The following CWC27 variants were observed in gnomAD, a reference collection of about 807,000 sequenced individuals.
The protein encoded by CWC27 is spliceosome-associated protein CWC27 homolog.
CWC27 carries 47 observed loss-of-function variants against 63.6 expected under a neutral mutation model. That is an observed-to-expected ratio of 0.74 (90% CI 0.58 to 0.94). The LOEUF is 0.94. Among genes scored for constraint, CWC27 ranks in the 40% least tolerant of loss-of-function variants. CWC27 has a pLI of 0.00. For missense variants in CWC27, 495 were observed against 554.3 expected, an observed-to-expected ratio of 0.89 and a Z score of 1.07; for synonymous variants, 175 against 179.8, an observed-to-expected ratio of 0.97 and a Z score of 0.22.
At chr5:64,934,607 G>T (rs565731651) in intron 11 of CWC27, among the ~76,000 whole-genome samples, 158 of 152,180 alleles carry the variant, frequency 1.0e-3, no homozygotes, top group African/African-American at 3.7e-3. Flanking sequence ...TAATCTGTTG[G>T]GTATATACCC....
intron 11 of CWC27, among the ~76,000 whole-genome samples, chr5:64,942,958 G>T (rs957610073): frequency 3.9e-5 from 6 of 152,128 alleles, no homozygotes; most frequent in Non-Finnish European, 7.4e-5. Flanking sequence ...AGAAGAAAAA[G>T]ATAATGATAT....
intron 9 of CWC27, among the ~76,000 whole-genome samples, chr5:64,802,663 A>G (rs753843003): frequency 2.0e-4 from 31 of 152,124 alleles, no homozygotes; most frequent in Non-Finnish European, 3.8e-4. Flanking sequence ...GTGAGGGAGG[A>G]GTAGTCCAAG....
chr5:64,771,429 A>G (rs1283682599), intron 1 of CWC27, among the ~76,000 whole-genome samples: 4 of 152,232 alleles, frequency 2.6e-5, no homozygotes, highest in Non-Finnish European at 2.9e-5. Flanking sequence ...CTGGTTGTCC[A>G]TAAATGTTCT....
chr5:64,977,596 T>C (rs1749251106), intron 13 of CWC27, among the ~76,000 whole-genome samples: 1 of 152,260 alleles, frequency 6.6e-6, no homozygotes, highest in South Asian at 2.1e-4. Context: ...AATAAATCAA[T>C]AATTTCTCAC....
At chr5:64,892,857 T>TAAA (rs768743169) in intron 11 of CWC27, among the ~76,000 whole-genome samples, 203 of 145,274 alleles carry the variant, frequency 1.4e-3, no homozygotes, top group African/African-American at 4.9e-3. Context: ...TCTCGTTCTT[T>TAAA]AAAAAAAAAA....
chr5:64,770,561 C>T (rs1743215638), intron 1 of CWC27, among the ~76,000 whole-genome samples: 1 of 152,140 alleles, frequency 6.6e-6, no homozygotes, highest in South Asian at 2.1e-4. Flanking sequence ...CAGTCTCTGG[C>T]CCCCTTAACC....
At chr5:64,909,538 T>C (rs1291822641) in intron 11 of CWC27, among the ~76,000 whole-genome samples, 1 of 152,216 alleles carries the variant, frequency 6.6e-6, no homozygotes, top group African/African-American at 2.4e-5. Context: ...GTTTTCCAAC[T>C]TGGATCCATT....
chr5:64,782,940 T>G (rs1743751495), intron 3 of CWC27, among the ~76,000 whole-genome samples: 2 of 152,210 alleles, frequency 1.3e-5, no homozygotes, highest in South Asian at 4.1e-4. Context: ...AAGCATTCTT[T>G]TATTCTTTTA....
intron 9 of CWC27, among the ~76,000 whole-genome samples, chr5:64,803,665 C>A (rs1380498298): frequency 6.6e-6 from 1 of 152,092 alleles, no homozygotes. Flanking sequence ...CTGGAGAGAA[C>A]AACAACTCCA....
At chr5:64,917,040 C>G (rs1156825783) in intron 11 of CWC27, among the ~76,000 whole-genome samples, 1 of 151,968 alleles carries the variant, frequency 6.6e-6, no homozygotes, top group Non-Finnish European at 1.5e-5. Context: ...TGTTGTCACC[C>G]TTTTTACCCT....
At chr5:64,788,886 A>C in intron 6 of CWC27, 65 bp from the exon 7 acceptor site, 1 of 1,042,220 alleles carries the variant, frequency 9.6e-7, no homozygotes, top group Non-Finnish European at 1.4e-6. Flanking sequence ...TCTGAAAATA[A>C]GGTATTTATA....
At chr5:64,853,585 A>T (rs948064183) in intron 10 of CWC27, among the ~76,000 whole-genome samples, 1 of 152,216 alleles carries the variant, frequency 6.6e-6, no homozygotes, top group African/African-American at 2.4e-5. Flanking sequence ...ATTTGCTTAC[A>T]GTTCTGTAGG....
At chr5:64,928,039 C>T (rs1488961034) in intron 11 of CWC27, among the ~76,000 whole-genome samples, 1 of 151,898 alleles carries the variant, frequency 6.6e-6, no homozygotes, top group Non-Finnish European at 1.5e-5. Flanking sequence ...CCTGTAATTC[C>T]AGCTACTTGG....
chr5:64,911,898 C>A (rs1309529897), intron 11 of CWC27, among the ~76,000 whole-genome samples: 1 of 151,836 alleles, frequency 6.6e-6, no homozygotes. Context: ...CATGGTGAAA[C>A]CCCATCTCTA....
At chr5:64,819,578 C>T (rs915913525) in intron 10 of CWC27, among the ~76,000 whole-genome samples, 3 of 151,908 alleles carry the variant, frequency 2.0e-5, no homozygotes, top group Admixed American at 6.6e-5. Flanking sequence ...CCCCTGTACA[C>T]GCTGTCTTTG....
At chr5:64,998,866 T>G (rs942380385) in intron 13 of CWC27, among the ~76,000 whole-genome samples, 1 of 152,038 alleles carries the variant, frequency 6.6e-6, no homozygotes, top group East Asian at 1.9e-4. Flanking sequence ...TAATTTCTCT[T>G]TTGAGTTTTT....
At chr5:64,959,250 T>G (rs1373831882) in intron 11 of CWC27, among the ~76,000 whole-genome samples, 1 of 152,188 alleles carries the variant, frequency 6.6e-6, no homozygotes, top group African/African-American at 2.4e-5. Context: ...ATATATCACC[T>G]TAACAACTTT....
chr5:65,008,673 T>C (rs1250288267), intron 13 of CWC27, among the ~76,000 whole-genome samples: 1 of 152,236 alleles, frequency 6.6e-6, no homozygotes, highest in Non-Finnish European at 1.5e-5. Flanking sequence ...TTTTGTTTAC[T>C]TTTTCTTCTT....
chr5:64,842,504 A>T (rs561110600), intron 10 of CWC27, among the ~76,000 whole-genome samples: 3 of 151,880 alleles, frequency 2.0e-5, no homozygotes, highest in African/African-American at 4.8e-5. Context: ...AGATTTCACC[A>T]TGTTAGCCAG....
Sources: allele counts gnomAD v4.1 joint callset (sites outside exome capture counted in the v4.1 genomes callset), GRCh38; gene constraint gnomAD v4.1.1; transcripts MANE v1.5; gene names NCBI Gene and HGNC (gene_info 2026-07-23, HGNC 2026-07-21).